Variants in XKR6 observed in about 807,000 individuals in gnomAD.
The protein encoded by XKR6 is XK-related protein 6.
XKR6 carries 22 observed loss-of-function variants against 56.7 expected under a neutral mutation model. That is an observed-to-expected ratio of 0.39 (90% CI 0.28 to 0.55). The LOEUF (loss-of-function observed/expected upper bound fraction) is 0.55, where lower values mean the gene tolerates loss of function less well. XKR6 is among the 20% of genes least tolerant of loss of function. The pLI is 0.66. For missense variants in XKR6, 852 were observed against 889.0 expected (o/e 0.96, Z 0.53); for synonymous variants, 524 against 387.8 (o/e 1.35, Z -4.13).
At chr8:10,997,460 G>T (rs1457812925) in intron 1 of XKR6, among the ~76,000 whole-genome samples, 1 of 152,170 alleles carries the variant, frequency 6.6e-6, no homozygotes, top group Non-Finnish European at 1.5e-5. Flanking sequence ...TCTGAGCTCA[G>T]CCCCCTCAGA....
intron 1 of XKR6, among the ~76,000 whole-genome samples, chr8:10,930,387 C>A (rs1163274798): frequency 6.6e-6 from 1 of 152,128 alleles, no homozygotes; most frequent in African/African-American, 2.4e-5. Flanking sequence ...AGAAATTGCA[C>A]CAACTGTACA....
At chr8:11,182,151 T>G (rs902199197) in intron 1 of XKR6, among the ~76,000 whole-genome samples, 7 of 152,212 alleles carry the variant, frequency 4.6e-5, no homozygotes, top group Non-Finnish European at 1.0e-4. Context: ...CTTGCCCAAG[T>G]TAACTGGTCC....
chr8:11,134,409 T>C (rs960565944), intron 1 of XKR6, among the ~76,000 whole-genome samples: 1 of 152,108 alleles, frequency 6.6e-6, no homozygotes. Context: ...GAGAAAAGGG[T>C]AGCATCATAC....
At chr8:11,148,988 A>C (rs1363962652) in intron 1 of XKR6, among the ~76,000 whole-genome samples, 1 of 152,212 alleles carries the variant, frequency 6.6e-6, no homozygotes, top group Non-Finnish European at 1.5e-5. Context: ...TGAAAGAAAT[A>C]TCAGTGGTTG....
chr8:11,046,707 T>A (rs574048123), intron 1 of XKR6, among the ~76,000 whole-genome samples: 70 of 152,248 alleles, frequency 4.6e-4, no homozygotes, highest in African/African-American at 1.6e-3. Context: ...ATAGCCAAGA[T>A]AAGGAATCAA....
rs1367713649 is a variant in XKR6 at position 11,201,085 on chromosome 8, G to C, written c.255C>G (p.Ser85Arg). The C allele has an allele frequency of 2.7e-5, 37 of 1,377,924 alleles. No homozygotes were observed. The highest frequency in any genetic ancestry group is 3.5e-5 in the Non-Finnish European group (37 of 1,066,866). 85.4% of individuals were successfully genotyped at this position (1,377,924 alleles called of 1,614,324 possible). Reference protein sequence around the residue: ...RSLLGRKPRRSAAADGGDQPL... With the variant: ...RSLLGRKPRRRAAADGGDQPL... ...GCTGGTCCCCCCCGTCGGCGGCGGC[G>C]CTGCGGCGCGGCTTCCTGCCCAGGA... Residue 85 changes from serine (S) to arginine (R), a missense_variant, in exon 1 of 3, where the codon AGC becomes AGG. Physicochemically the swap from Ser to Arg is moderately radical, Grantham distance 110. Transcript: ENST00000416569.
intron 1 of XKR6, among the ~76,000 whole-genome samples, chr8:11,037,772 C>T (rs563028933): frequency 6.6e-6 from 1 of 151,240 alleles, no homozygotes; most frequent in Non-Finnish European, 1.5e-5. Context: ...GCAGGAGATT[C>T]GTTTGAACCC....
intron 1 of XKR6, among the ~76,000 whole-genome samples, chr8:11,097,838 TGTAAA>T (rs1332029538): frequency 6.9e-6 from 1 of 145,498 alleles, no homozygotes; most frequent in African/African-American, 2.6e-5. Context: ...ATTATACAAA[TGTAAA>T]GTATTACTAA....
At chr8:11,052,805 G>A (rs1333404379) in intron 1 of XKR6, among the ~76,000 whole-genome samples, 2 of 151,690 alleles carry the variant, frequency 1.3e-5, no homozygotes, top group Non-Finnish European at 2.9e-5. Flanking sequence ...CCTCTAGAGG[G>A]CTCGTTAGGA....
In XKR6 at chr8:11,026,661, T is replaced by A. The variant is rs1415934164; in HGVS notation, c.765-101831A>T. Among the ~76,000 whole-genome samples, 265 of 115,604 alleles carry A rather than the reference T, an allele frequency of 2.3e-3. No individual in the cohort carries two copies. The Middle Eastern group carries it at 0.025, about 11-fold the overall frequency. 75.8% of individuals were successfully genotyped at this position (115,604 alleles called of 152,430 possible). A position where few individuals can be genotyped will look rare whatever the true frequency, so the allele number is the denominator to read the frequency against. On this transcript the variant is annotated intron_variant, in intron 1 of 2. Transcript: ENST00000416569. ...ACCTAGATGGTCTAGCCTACTAAAC[T>A]CTTAATGGCGTTGCCTACTACACAC...
At chr8:10,923,797 G>A (rs1300266228) in intron 2 of XKR6, among the ~76,000 whole-genome samples, 2 of 152,206 alleles carry the variant, frequency 1.3e-5, no homozygotes, top group East Asian at 1.9e-4. Context: ...GCCAGGGAGA[G>A]CTGGGGTATG....
chr8:11,037,081 G>C (rs1170886695), intron 1 of XKR6, among the ~76,000 whole-genome samples: 1 of 152,188 alleles, frequency 6.6e-6, no homozygotes, highest in Non-Finnish European at 1.5e-5. Context: ...ATATCATTTA[G>C]TGATGCTACG....
intron 1 of XKR6, among the ~76,000 whole-genome samples, chr8:10,985,864 C>T (rs1026447242): frequency 5.3e-5 from 8 of 152,116 alleles, no homozygotes; most frequent in African/African-American, 1.9e-4. Flanking sequence ...CCTTGGACTC[C>T]CAGAGCGCTG....
At chr8:11,043,027 C>T (rs1799323938) in intron 1 of XKR6, among the ~76,000 whole-genome samples, 1 of 152,146 alleles carries the variant, frequency 6.6e-6, no homozygotes, top group South Asian at 2.1e-4. Context: ...AGTGCTCTTG[C>T]CAGCCCTGGG....
At chr8:10,964,780 G>A (rs1191182243) in intron 1 of XKR6, among the ~76,000 whole-genome samples, 1 of 152,252 alleles carries the variant, frequency 6.6e-6, no homozygotes, top group Non-Finnish European at 1.5e-5. Flanking sequence ...GCCCACTCGC[G>A]CTGCCAGACC....
In XKR6 at chr8:11,189,111, A is replaced by G. The variant is rs145912988; in HGVS notation, c.764+11465T>C. Among the ~76,000 whole-genome samples the G allele has an allele frequency of 3.2e-3, 491 of 152,186 alleles. 2 individuals are homozygous for G. Among genetic ancestry groups the G allele is most frequent in the African/African-American group, 0.011 (459 of 41,522 alleles). ...TTTCCTGTCTCTAATGACACTCAGT[A>G]TCTATTAGGTCATGTCTCCTCTTTC... On this transcript the variant is annotated intron_variant, in intron 1 of 2. Transcript: ENST00000416569.
At chr8:11,147,893 G>C (rs1472961666) in intron 1 of XKR6, among the ~76,000 whole-genome samples, 2 of 152,002 alleles carry the variant, frequency 1.3e-5, no homozygotes, top group African/African-American at 2.4e-5. Context: ...TATTTGGAGA[G>C]GAGGTCTTTA....
At chr8:11,119,903 T>C (rs1238570302) in intron 1 of XKR6, among the ~76,000 whole-genome samples, 1 of 152,166 alleles carries the variant, frequency 6.6e-6, no homozygotes, top group East Asian at 1.9e-4. Context: ...ATAAACGTAA[T>C]CCAGCATATA....
At chr8:10,965,850 C>T (rs113643719) in intron 1 of XKR6, among the ~76,000 whole-genome samples, 1 of 152,160 alleles carries the variant, frequency 6.6e-6, no homozygotes, top group African/African-American at 2.4e-5. Flanking sequence ...TGGCCCGGGC[C>T]GAGTCCACAT....
Sources: allele counts gnomAD v4.1 joint callset (sites outside exome capture counted in the v4.1 genomes callset), GRCh38; gene constraint gnomAD v4.1.1; transcripts MANE v1.5; gene names NCBI Gene and HGNC (gene_info 2026-07-23, HGNC 2026-07-21).